MRTFB: variants seen among roughly 807,000 people sequenced by gnomAD.
The protein encoded by MRTFB is myocardin related transcription factor B.
Under a neutral mutation model 104.2 loss-of-function variants are expected in MRTFB, and 29 were observed. The ratio of observed to expected loss-of-function variants is 0.28; its 90% CI spans 0.21 to 0.38. The LOEUF (loss-of-function observed/expected upper bound fraction) is 0.38, where lower values mean the gene tolerates loss of function less well. Ranked by LOEUF, MRTFB falls within the 10% of genes least tolerant of loss-of-function variation. The pLI, the probability that MRTFB is intolerant of heterozygous loss-of-function variation, is 1.00. For missense variants in MRTFB, 1,270 were observed against 1,341.6 expected (o/e 0.95, Z 0.83); for synonymous variants, 535 against 519.5 (o/e 1.03, Z -0.41).
the MRTFB span, among the ~76,000 whole-genome samples, chr16:14,058,032 G>C: frequency 2.0e-5 from 3 of 152,188 alleles, no homozygotes; most frequent in Non-Finnish European, 4.4e-5. Flanking sequence ...GGAGCAGGGA[G>C]ATGTCAAGTC....
the MRTFB span, among the ~76,000 whole-genome samples, chr16:14,057,951 T>C: frequency 6.6e-6 from 1 of 152,224 alleles, no homozygotes; most frequent in African/African-American, 2.4e-5. Context: ...GATCCTGCCA[T>C]TCCCAGAGCC....
At chr16:14,185,178 C>T (rs1295634861) in intron 3 of MRTFB, among the ~76,000 whole-genome samples, 2 of 152,082 alleles carry the variant, frequency 1.3e-5, no homozygotes, top group African/African-American at 4.8e-5. Context: ...GTTTGGACTG[C>T]CGAGGATGGA....
the MRTFB span, among the ~76,000 whole-genome samples, chr16:14,003,549 C>T: frequency 1.3e-5 from 2 of 152,204 alleles, no homozygotes; most frequent in Non-Finnish European, 2.9e-5. Context: ...CTCTGCAGAG[C>T]ATGCACGTAG....
chr16:14,056,091 G>T, the MRTFB span, among the ~76,000 whole-genome samples: 2 of 152,102 alleles, frequency 1.3e-5, no homozygotes, highest in Non-Finnish European at 2.9e-5. Context: ...TAACTCTCAT[G>T]CTTCAGCTTC....
At chr16:14,242,967 C>T (rs769009543) in intron 10 of MRTFB, among the ~76,000 whole-genome samples, 5 of 151,908 alleles carry the variant, frequency 3.3e-5, no homozygotes, top group East Asian at 3.9e-4. Flanking sequence ...ACTACTCTTA[C>T]GTAATAAAGC....
intron 3 of MRTFB, among the ~76,000 whole-genome samples, chr16:14,202,640 G>A (rs1597236673): frequency 6.6e-6 from 1 of 152,326 alleles, no homozygotes; most frequent in African/African-American, 2.4e-5. Flanking sequence ...TAATGTAATA[G>A]TAGTGGTAAT....
intron 15 of MRTFB, among the ~76,000 whole-genome samples, chr16:14,253,925 G>A (rs562506549): frequency 2.0e-5 from 3 of 152,140 alleles, no homozygotes; most frequent in Non-Finnish European, 4.4e-5. Context: ...TGGTCCATTC[G>A]GAGTGACATC....
intron 8 of MRTFB, 79 bp downstream of exon 8, chr16:14,219,077 A>T: frequency 7.7e-7 from 1 of 1,305,900 alleles, no homozygotes; most frequent in Non-Finnish European, 1.0e-6. Context: ...ATACACTTTG[A>T]CCAGAAGAAA....
rs537144480 is a variant in MRTFB at position 14,160,554 on chromosome 16, C to G, written c.154+19794C>G. Among the ~76,000 whole-genome samples the G allele has an allele frequency of 3.7e-4, 56 of 152,218 alleles. 1 individual carries two copies. The highest frequency in any genetic ancestry group is 6.8e-3 in the Middle Eastern group (2 of 294). The stretch of plus-strand genomic sequence containing the variant: ...GGGATAATACCTTGAGACTATAAGA[C>G]TATTCTGTTTCCCAACCTCCTTTCA... On this transcript the variant is annotated intron_variant, in intron 3 of 16. Coordinates refer to ENST00000571589, the MANE Select transcript of MRTFB (RefSeq NM_001308142.2).
At chr16:14,034,042 C>T in the MRTFB span, among the ~76,000 whole-genome samples, 12 of 152,122 alleles carry the variant, frequency 7.9e-5, no homozygotes, top group African/African-American at 1.2e-4. Context: ...TGTCCGCTCC[C>T]GCCCTTCTCC....
intron 8 of MRTFB, among the ~76,000 whole-genome samples, chr16:14,222,572 G>GT (rs55658275): frequency 0.75 from 111,241 of 148,108 alleles, 44,581 homozygotes; most frequent in Non-Finnish European, 0.9. Context: ...CCCTGTTTAG[G>GT]TTTTTTTTTT....
chr16:14,091,573 A>G (rs2035066321), intron 2 of MRTFB, among the ~76,000 whole-genome samples: 4 of 152,130 alleles, frequency 2.6e-5, no homozygotes. Flanking sequence ...CTCTATCACC[A>G]TCACACTGAG....
intron 3 of MRTFB, among the ~76,000 whole-genome samples, chr16:14,165,596 T>G (rs941007804): frequency 2.0e-5 from 3 of 152,198 alleles, no homozygotes; most frequent in Non-Finnish European, 4.4e-5. Context: ...GGACTTGGTA[T>G]TTTTGTACAT....
intron 3 of MRTFB, chr16:14,200,506 C>T (rs1042477180): frequency 2.0e-5 from 32 of 1,610,352 alleles, no homozygotes; most frequent in Non-Finnish European, 2.6e-5. Flanking sequence ...CAATCATCGT[C>T]TGTCTTCTCT....
chr16:14,265,246 CAAAT>C lies in MRTFB; in HGVS notation c.*3805_*3808del, dbSNP rs1357565594. ...ACATGTGTCAATTTAACCAAATTCA[CAAAT>C]AACCCTCCATTTTTCAATATCTGCT... On this transcript the variant is annotated 3_prime_UTR_variant, in exon 17 of 17. Transcript: ENST00000571589. The C allele has an allele frequency of 2.0e-5, 3 of 152,156 alleles. No homozygotes were observed. Among genetic ancestry groups the C allele is most frequent in the Non-Finnish European group, 2.9e-5 (2 of 68,020 alleles). The allele number at this position is 152,156 out of a possible 1,614,324, so 9.4% of individuals were successfully genotyped here. A position where few individuals can be genotyped will look rare whatever the true frequency, so the allele number is the denominator to read the frequency against.
At chr16:13,999,560 T>TC in the MRTFB span, among the ~76,000 whole-genome samples, 1 of 149,828 alleles carries the variant, frequency 6.7e-6, no homozygotes, top group African/African-American at 2.5e-5. Flanking sequence ...ATGGGAGCCA[T>TC]CAGTATAAAG....
chr16:14,195,550 C>CT (rs1734303435), intron 3 of MRTFB: 1 of 985,338 alleles, frequency 1.0e-6, no homozygotes, highest in South Asian at 4.7e-5. Context: ...TCTGGATCAT[C>CT]TGACTTCAAC....
chr16:14,035,390 A>G, the MRTFB span, among the ~76,000 whole-genome samples: 1 of 152,178 alleles, frequency 6.6e-6, no homozygotes, highest in African/African-American at 2.4e-5. Context: ...GCCTTCTTCT[A>G]TCTCAGAAAT....
chr16:14,236,844 A>G (rs1166222429), intron 9 of MRTFB, among the ~76,000 whole-genome samples: 12 of 152,232 alleles, frequency 7.9e-5, no homozygotes. Context: ...AGGTAGAAGC[A>G]GAGACAGGTA....
Sources: gnomAD v4.1 joint callset for allele counts (sites outside exome capture counted in the v4.1 genomes callset) on GRCh38, gnomAD v4.1.1 for gene constraint, MANE v1.5 for transcripts, NCBI Gene and HGNC (gene_info 2026-07-23, HGNC 2026-07-21) for gene names.